The following HDAC4 variants were observed in gnomAD, a reference collection of about 807,000 sequenced individuals.
HDAC4 encodes the protein histone deacetylase 4.
A neutral mutation model predicts 135.1 loss-of-function variants in HDAC4; 16 were observed. The observed-to-expected ratio is 0.12, with a 90% CI of 0.08 to 0.18. HDAC4 has a LOEUF of 0.18. HDAC4 is among the 10% of genes least tolerant of loss of function. The probability of loss-of-function intolerance (pLI) is 1.00; values close to 1 mark genes in which losing one functional copy is unlikely to be tolerated. For synonymous variants in HDAC4, 685 were observed against 653.4 expected, an observed-to-expected ratio of 1.05 and a Z score of -0.74; for missense variants, 1,143 against 1,511.8, an observed-to-expected ratio of 0.76 and a Z score of 4.05.
intron 18 of HDAC4, among the ~76,000 whole-genome samples, chr2:239,089,497 T>C (rs960889254): frequency 2.0e-5 from 3 of 152,098 alleles, no homozygotes; most frequent in African/African-American, 7.2e-5. Flanking sequence ...CCAGCTAATT[T>C]TTGTATTTCA....
intron 2 of HDAC4, among the ~76,000 whole-genome samples, chr2:239,284,106 C>A (rs1372947688): frequency 6.6e-6 from 1 of 152,248 alleles, no homozygotes. Context: ...CTTTCCACGT[C>A]TCTCCACATG....
intron 17 of HDAC4, among the ~76,000 whole-genome samples, chr2:239,093,207 A>G (rs905046885): frequency 4.6e-5 from 7 of 152,190 alleles, no homozygotes; most frequent in African/African-American, 7.2e-5. Context: ...TACAGCTCCC[A>G]TTTCCCAGCG....
chr2:239,232,388 C>T (rs2047626910), intron 3 of HDAC4, among the ~76,000 whole-genome samples: 1 of 152,254 alleles, frequency 6.6e-6, no homozygotes, highest in Non-Finnish European at 1.5e-5. Context: ...AACATCTCCC[C>T]AGCCTAACTC....
chr2:239,399,494 T>C (rs1055770713), intron 1 of HDAC4, among the ~76,000 whole-genome samples: 1 of 152,082 alleles, frequency 6.6e-6, no homozygotes. Context: ...CCGAAAATAA[T>C]GCACAGAATT....
intron 1 of HDAC4, among the ~76,000 whole-genome samples, chr2:239,366,520 T>C (rs1427790156): frequency 1.3e-5 from 2 of 152,232 alleles, no homozygotes; most frequent in African/African-American, 4.8e-5. Context: ...TTCTGGCCTA[T>C]GATCTCTAGC....
At chr2:239,158,486 C>T (rs1217496120) in intron 6 of HDAC4, among the ~76,000 whole-genome samples, 1 of 152,148 alleles carries the variant, frequency 6.6e-6, no homozygotes, top group Non-Finnish European at 1.5e-5. Flanking sequence ...ATCTAACAGA[C>T]GTTCTCTTAC....
chr2:239,165,807 A>G (rs139071565), intron 5 of HDAC4, among the ~76,000 whole-genome samples: 170 of 152,288 alleles, frequency 1.1e-3, no homozygotes, highest in African/African-American at 3.9e-3. Flanking sequence ...GTTTTTATAA[A>G]GTCTATTTTA....
At chr2:239,149,059 A>T (rs780223907) in intron 7 of HDAC4, among the ~76,000 whole-genome samples, 4 of 152,204 alleles carry the variant, frequency 2.6e-5, no homozygotes, top group African/African-American at 7.2e-5. Flanking sequence ...TATCATGAAC[A>T]TCATGGGGGT....
In HDAC4 at chr2:239,336,398, T is replaced by C. The variant is rs534849118; in HGVS notation, c.22+16280A>G. On this transcript the variant is annotated intron_variant, in intron 2 of 26. Transcript: ENST00000543185. ...TTCAGTTAAAAAGTTCACTTAGACA[T>C]TGGCGGTCTTCAAGGCTACATGTTT... 3.5e-4 allele frequency among the ~76,000 whole-genome samples: 54 copies of C among 152,246 alleles called. 1 individual carries two copies. In the East Asian group the frequency reaches 6.4e-3, roughly 18 times the overall value.
intron 22 of HDAC4, among the ~76,000 whole-genome samples, chr2:239,079,951 G>A (rs1159723449): frequency 6.7e-6 from 1 of 148,406 alleles, no homozygotes; most frequent in Non-Finnish European, 1.5e-5. Flanking sequence ...CCACACAGAT[G>A]TGTGTAACAC....
In HDAC4 at chr2:239,360,424, C is replaced by T. The variant is rs73104770; in HGVS notation, c.-219-7506G>A. ...GTAGCTCCAACAGCCACAGACAGGA[C>T]CTTCAGGGTCTGCCCAGGCACCCTG... On this transcript the variant is annotated intron_variant, in intron 1 of 26. Coordinates refer to ENST00000543185, the MANE Select transcript of HDAC4 (RefSeq NM_001378414.1). Among the ~76,000 whole-genome samples the T allele has an allele frequency of 4.8e-3, 732 of 152,332 alleles. 4 individuals carry two copies. The highest frequency in any genetic ancestry group is 0.017 in the African/African-American group (704 of 41,570).
At position 239,050,195 on chromosome 2, in the gene HDAC4, C is replaced by G. The variant is rs1329442343; in HGVS notation, c.*2902G>C. 6.6e-6 allele frequency: 1 copy of G among 152,552 alleles called. No homozygotes were observed. The highest frequency in any genetic ancestry group is 1.5e-5 in the Non-Finnish European group (1 of 68,084). 9.4% of individuals were successfully genotyped at this position (152,552 alleles called of 1,614,324 possible). ...GCTGACAGATGAAACGTGCCTCCCC[C>G]TGCCAGGCCTTTGCAGAGGGCGTCT... On this transcript the variant is annotated 3_prime_UTR_variant, in exon 27 of 27. Transcript: ENST00000543185.
chr2:239,165,246 A>T (rs544456514), intron 5 of HDAC4, among the ~76,000 whole-genome samples: 2 of 151,752 alleles, frequency 1.3e-5, no homozygotes, highest in African/African-American at 4.8e-5. Flanking sequence ...AGAAAAACGA[A>T]ACTTCTCTAC....
intron 1 of HDAC4, among the ~76,000 whole-genome samples, chr2:239,377,175 A>G (rs1243499836): frequency 6.6e-6 from 1 of 151,966 alleles, no homozygotes; most frequent in East Asian, 1.9e-4. Context: ...ACCTCTGCTC[A>G]CTCTGACTCT....
chr2:239,112,155 C>T (rs765787659), intron 13 of HDAC4, among the ~76,000 whole-genome samples: 39 of 152,212 alleles, frequency 2.6e-4, no homozygotes, highest in Middle Eastern at 6.8e-3. Flanking sequence ...CTTGCTGGGG[C>T]GGCAGCCTGG....
In HDAC4 at chr2:239,400,024, T is replaced by G. The variant is rs1049610606; in HGVS notation, c.-220+954A>C. Among the ~76,000 whole-genome samples, 4 of 152,208 alleles carry G rather than the reference T, an allele frequency of 2.6e-5. No homozygotes were observed. The highest frequency in any genetic ancestry group is 5.9e-5 in the Non-Finnish European group (4 of 68,030). On this transcript the variant is annotated intron_variant, in intron 1 of 26. Transcript: ENST00000543185. This position sits in a 1 kb window ranked among gnomAD's most constrained non-coding sequence, Gnocchi z 4.7. ...CCAACTGATACGCACGGTCTCCTCCTATAACAGTGTCAAATAATTCAACGC... is the reference window on the plus strand; with the variant it reads ...CCAACTGATACGCACGGTCTCCTCCGATAACAGTGTCAAATAATTCAACGC...
chr2:239,388,557 G>A (rs1404626324), intron 1 of HDAC4, among the ~76,000 whole-genome samples: 1 of 152,216 alleles, frequency 6.6e-6, no homozygotes, highest in Non-Finnish European at 1.5e-5. Flanking sequence ...CTGGGTGCCT[G>A]GCCCCAGAGG....
At chr2:239,206,190 T>C (rs2046034033) in intron 3 of HDAC4, among the ~76,000 whole-genome samples, 1 of 151,828 alleles carries the variant, frequency 6.6e-6, no homozygotes, top group African/African-American at 2.4e-5. Flanking sequence ...TAGCCAAGTG[T>C]GGTGGTGCAT....
Position 239,163,925 on chromosome 2 carries a change from TG to T in HDAC4, c.491-3del, listed in dbSNP as rs1427363293. ...TCACTTCTGTGCTGGCCACGGCACC[TG>T]GCGTGGGAGAAAGCATAGCAGGGGG... On this transcript the variant is annotated splice_polypyrimidine_tract_variant and splice_region_variant and intron_variant, in intron 5 of 26. Transcript: ENST00000543185. 6.2e-7 allele frequency: 1 copy of T among 1,614,050 alleles called. No homozygotes were observed. Among genetic ancestry groups the T allele is most frequent in the East Asian group, 2.2e-5 (1 of 44,850 alleles).
Sources: allele counts gnomAD v4.1 joint callset (sites outside exome capture counted in the v4.1 genomes callset), GRCh38; gene constraint gnomAD v4.1.1; non-coding constraint Gnocchi (gnomAD v3.1); transcripts MANE v1.5; gene names NCBI Gene and HGNC (gene_info 2026-07-23, HGNC 2026-07-21).